GRID2: variants seen among roughly 807,000 people sequenced by gnomAD.
GRID2 encodes the protein glutamate ionotropic receptor delta type subunit 2.
GRID2 carries 33 observed loss-of-function variants against 114.8 expected under a neutral mutation model. The observed-to-expected ratio is 0.29, with a 90% confidence interval of 0.22 to 0.38. GRID2 has a LOEUF of 0.38. Ranked by LOEUF, GRID2 falls within the 10% of genes least tolerant of loss-of-function variation. The pLI is 1.00. For synonymous variants in GRID2, 505 were observed against 449.9 expected, an observed-to-expected ratio of 1.12 and a Z score of -1.55; for missense variants, 1,184 against 1,257.7, an observed-to-expected ratio of 0.94 and a Z score of 0.89.
intron 2 of GRID2, among the ~76,000 whole-genome samples, chr4:93,062,564 A>T (rs1578879533): frequency 6.6e-6 from 1 of 152,060 alleles, no homozygotes. Context: ...AAAATATCAA[A>T]CATTTTCTTT....
chr4:93,578,585 G>GTTTTT (rs1736642083), intron 13 of GRID2, among the ~76,000 whole-genome samples: 24 of 115,252 alleles, frequency 2.1e-4, no homozygotes, highest in African/African-American at 6.8e-4. Context: ...CTTGTTTTTT[G>GTTTTT]TATTTTTTTT....
intron 13 of GRID2, among the ~76,000 whole-genome samples, chr4:93,578,807 T>G (rs928967712): frequency 6.6e-6 from 1 of 151,928 alleles, no homozygotes; most frequent in Non-Finnish European, 1.5e-5. Flanking sequence ...GTTAGTCAGG[T>G]TGGTCTCGAT....
chr4:92,828,412 CTT>C (rs1741881490), intron 2 of GRID2, among the ~76,000 whole-genome samples: 1 of 152,046 alleles, frequency 6.6e-6, no homozygotes, highest in African/African-American at 2.4e-5. Context: ...AACTGCTTAA[CTT>C]ATTTAAGAAA....
Position 92,794,589 on chromosome 4 carries a change from G to A in GRID2, c.244+204303G>A, listed in dbSNP as rs1458651807. ...AAACTAATTGACTCCAAAAACTGCC[G>A]AATATTTGCAATTGAAACATTTTAT... On this transcript the variant is annotated intron_variant, in intron 2 of 15. Coordinates refer to ENST00000282020, the MANE Select transcript of GRID2 (RefSeq NM_001510.4). 4.0e-5 allele frequency among the ~76,000 whole-genome samples: 6 copies of A among 151,412 alleles called. No homozygotes were observed. In the East Asian group the frequency reaches 5.9e-4, roughly 15 times the overall value.
intron 7 of GRID2, among the ~76,000 whole-genome samples, chr4:93,235,819 A>G (rs1746719405): frequency 6.6e-6 from 1 of 152,070 alleles, no homozygotes. Flanking sequence ...GTGGAAGATA[A>G]AGTAAAGGAT....
rs869285420 is a variant in GRID2 at position 92,965,450 on chromosome 4, T to TAAAAAAAAAAAAAAAAAAAAAAA, written c.245-119528_245-119506dup. 1.4e-4 allele frequency among the ~76,000 whole-genome samples: 12 copies of TAAAAAAAAAAAAAAAAAAAAAAA among 85,774 alleles called. 1 individual carries two copies. The highest frequency in any genetic ancestry group is 1.9e-4 in the Non-Finnish European group (8 of 41,814). The allele number at this position is 85,774 out of a possible 152,430, so 56.3% of individuals were successfully genotyped here. Reference sequence around the variant, plus strand: ...AGGGTTGCCATAAACATTCAATTTGTAAAAAAAAAAAAAAAAAAAAAAAAA... The same window carrying TAAAAAAAAAAAAAAAAAAAAAAA: ...AGGGTTGCCATAAACATTCAATTTGTAAAAAAAAAAAAAAAAAAAAAAAAAAAAAAAAAAAAAAAAAAAAAAAA... On this transcript the variant is annotated intron_variant, in intron 2 of 15. Transcript: ENST00000282020.
chr4:93,794,419 G>T (rs998593305), intron 1 of GRID2, among the ~76,000 whole-genome samples: 2 of 152,088 alleles, frequency 1.3e-5, no homozygotes, highest in African/African-American at 2.4e-5. Flanking sequence ...GTTTGCATAG[G>T]GACAACTTTG....
intron 13 of GRID2, among the ~76,000 whole-genome samples, chr4:93,532,446 A>G (rs1731543202): frequency 6.6e-6 from 1 of 152,180 alleles, no homozygotes; most frequent in Admixed American, 6.6e-5. Context: ...AGCAGTATGT[A>G]AATGTGATGG....
intron 1 of GRID2, among the ~76,000 whole-genome samples, chr4:92,569,247 T>A (rs1727494603): frequency 6.6e-6 from 1 of 152,052 alleles, no homozygotes; most frequent in South Asian, 2.1e-4. Context: ...CCTGAATTAG[T>A]TTGCTAAGGA....
intron 13 of GRID2, among the ~76,000 whole-genome samples, chr4:93,602,324 T>C (rs548388508): frequency 3.3e-5 from 5 of 152,340 alleles, no homozygotes; most frequent in Non-Finnish European, 5.9e-5. Flanking sequence ...AAAAGTTGTC[T>C]GCCCTAAAGC....
intron 2 of GRID2, among the ~76,000 whole-genome samples, chr4:92,794,209 G>T (rs573661154): frequency 6.6e-6 from 1 of 151,576 alleles, no homozygotes; most frequent in Non-Finnish European, 1.5e-5. Context: ...TCCAACTCCT[G>T]GGCTCAAGTG....
At chr4:93,607,781 AT>A (rs1041090201) in intron 13 of GRID2, among the ~76,000 whole-genome samples, 21 of 151,902 alleles carry the variant, frequency 1.4e-4, no homozygotes, top group Non-Finnish European at 1.9e-4. Context: ...GAGTTTGGGT[AT>A]TTTTCATATG....
At chr4:93,170,722 A>G (rs1275094803) in intron 4 of GRID2, among the ~76,000 whole-genome samples, 3 of 152,068 alleles carry the variant, frequency 2.0e-5, no homozygotes, top group Non-Finnish European at 4.4e-5. Context: ...TTTCCAGCAT[A>G]CACTTCTCCT....
chr4:92,562,271 T>G (rs1579585362), intron 1 of GRID2, among the ~76,000 whole-genome samples: 2 of 152,310 alleles, frequency 1.3e-5, no homozygotes, highest in Admixed American at 1.3e-4. Flanking sequence ...TGTGCTGTTC[T>G]CTAAGTGCCA....
At chr4:92,996,675 C>T (rs976982310) in intron 2 of GRID2, among the ~76,000 whole-genome samples, 10 of 152,240 alleles carry the variant, frequency 6.6e-5, no homozygotes, top group African/African-American at 2.4e-4. Flanking sequence ...ACTCAGATTC[C>T]ATCTAGTAAA....
chr4:93,023,972 T>G (rs1723641619), intron 2 of GRID2, among the ~76,000 whole-genome samples: 1 of 151,846 alleles, frequency 6.6e-6, no homozygotes, highest in Non-Finnish European at 1.5e-5. Flanking sequence ...TTGGAGTATC[T>G]TCCACCTAGC....
At chr4:92,878,589 G>C (rs914398118) in intron 2 of GRID2, among the ~76,000 whole-genome samples, 1 of 152,064 alleles carries the variant, frequency 6.6e-6, no homozygotes, top group Non-Finnish European at 1.5e-5. Flanking sequence ...TTAAGATTTC[G>C]TGGCTCTTTT....
chr4:93,464,538 A>C lies in GRID2; in HGVS notation c.1858+8564A>C, dbSNP rs1025059792. On this transcript the variant is annotated intron_variant, in intron 11 of 15. Coordinates refer to ENST00000282020, the MANE Select transcript of GRID2 (RefSeq NM_001510.4). The stretch of plus-strand genomic sequence containing the variant: ...AAGTCCTTGTGACATTTTGTTAAAT[A>C]CCCTTGAAAGTGGTACAAGCTTTAC... Among the ~76,000 whole-genome samples the C allele has an allele frequency of 2.0e-5, 3 of 152,202 alleles. No homozygotes were observed. In the East Asian group the frequency reaches 5.8e-4, roughly 29 times the overall value.
At chr4:92,847,710 A>G (rs182899253) in intron 2 of GRID2, among the ~76,000 whole-genome samples, 160 of 152,182 alleles carry the variant, frequency 1.1e-3, no homozygotes, top group African/African-American at 3.8e-3. Flanking sequence ...CTAGTGTCAT[A>G]AATAATTATT....
Sources: allele counts gnomAD v4.1 joint callset (sites outside exome capture counted in the v4.1 genomes callset), GRCh38; gene constraint gnomAD v4.1.1; transcripts MANE v1.5; gene names NCBI Gene and HGNC (gene_info 2026-07-23, HGNC 2026-07-21).